Variants in NKAIN3 observed in about 807,000 individuals in gnomAD.
NKAIN3 encodes the protein sodium/potassium transporting ATPase interacting 3, also known as sodium/potassium-transporting ATPase subunit beta-1-interacting protein 3.
A neutral mutation model predicts 30.2 loss-of-function variants in NKAIN3; 25 were observed. The ratio of observed to expected loss-of-function variants is 0.83; its 90% confidence interval spans 0.60 to 1.16. The LOEUF (loss-of-function observed/expected upper bound fraction) is 1.16. NKAIN3 is among the 50% of genes most tolerant of loss of function. The pLI is 0.00. For missense variants in NKAIN3, 225 were observed against 254.1 expected, an observed-to-expected ratio of 0.89 and a Z score of 0.78; for synonymous variants, 91 against 89.6, an observed-to-expected ratio of 1.02 and a Z score of -0.09.
intron 1 of NKAIN3, among the ~76,000 whole-genome samples, chr8:62,543,081 T>A (rs1808894723): frequency 6.6e-6 from 1 of 152,172 alleles, no homozygotes; most frequent in Admixed American, 6.5e-5. Flanking sequence ...ACATTTAGAA[T>A]GAATGTTTCT....
intron 4 of NKAIN3, among the ~76,000 whole-genome samples, chr8:62,823,739 T>C (rs1818928857): frequency 6.6e-6 from 1 of 152,170 alleles, no homozygotes; most frequent in South Asian, 2.1e-4. Context: ...AATAATTTTC[T>C]GACAGATGAC....
intron 4 of NKAIN3, among the ~76,000 whole-genome samples, chr8:62,820,762 G>A (rs1332417270): frequency 6.6e-6 from 1 of 152,122 alleles, no homozygotes; most frequent in Non-Finnish European, 1.5e-5. Flanking sequence ...GAGTAAGTGA[G>A]ATGAAGCTTG....
At chr8:62,254,261 A>T (rs1277258366) in intron 1 of NKAIN3, among the ~76,000 whole-genome samples, 1 of 151,524 alleles carries the variant, frequency 6.6e-6, no homozygotes, top group Non-Finnish European at 1.5e-5. Context: ...TAAGATTCTG[A>T]GACTTGAGGC....
At chr8:62,379,774 T>C (rs901496282) in intron 1 of NKAIN3, among the ~76,000 whole-genome samples, 1 of 152,238 alleles carries the variant, frequency 6.6e-6, no homozygotes, top group Non-Finnish European at 1.5e-5. Context: ...CATAGCAGCA[T>C]GAGAACAGAC....
At chr8:62,767,448 C>G (rs576963274) in intron 4 of NKAIN3, among the ~76,000 whole-genome samples, 3 of 152,148 alleles carry the variant, frequency 2.0e-5, no homozygotes, top group Non-Finnish European at 4.4e-5. Flanking sequence ...AACAGAGAGA[C>G]ACACGCAGAT....
intron 4 of NKAIN3, among the ~76,000 whole-genome samples, chr8:62,755,304 C>T (rs1194592039): frequency 6.6e-6 from 1 of 152,154 alleles, no homozygotes; most frequent in East Asian, 1.9e-4. Context: ...TAAACTCTGT[C>T]AGATCCATAA....
intron 6 of NKAIN3, among the ~76,000 whole-genome samples, chr8:62,954,879 C>T (rs767065617): frequency 2.0e-5 from 3 of 152,296 alleles, no homozygotes; most frequent in South Asian, 2.1e-4. Context: ...TGAGATCTTT[C>T]CTGGGTAGCA....
At chr8:62,693,643 C>A (rs1350072988) in intron 3 of NKAIN3, among the ~76,000 whole-genome samples, 3 of 152,158 alleles carry the variant, frequency 2.0e-5, no homozygotes, top group Admixed American at 6.5e-5. Context: ...TGGAACCTCA[C>A]ACATAAAGCA....
chr8:62,465,570 T>C (rs1195215988), intron 1 of NKAIN3, among the ~76,000 whole-genome samples: 2 of 152,226 alleles, frequency 1.3e-5, no homozygotes, highest in African/African-American at 4.8e-5. Flanking sequence ...TATTAATTTC[T>C]TCATTCAGTA....
chr8:62,841,169 T>C (rs551910580), intron 4 of NKAIN3, among the ~76,000 whole-genome samples: 15 of 152,148 alleles, frequency 9.9e-5, no homozygotes, highest in Non-Finnish European at 2.1e-4. Flanking sequence ...AGGAGTTCAA[T>C]ATAATATTTT....
intron 3 of NKAIN3, among the ~76,000 whole-genome samples, chr8:62,734,676 G>A (rs1242670716): frequency 6.6e-6 from 1 of 152,182 alleles, no homozygotes; most frequent in Non-Finnish European, 1.5e-5. Context: ...GTCACGGAAA[G>A]GAGAATGTTT....
intron 5 of NKAIN3, among the ~76,000 whole-genome samples, chr8:62,952,085 C>T (rs1180551864): frequency 6.6e-6 from 1 of 152,090 alleles, no homozygotes; most frequent in Non-Finnish European, 1.5e-5. Flanking sequence ...TAGGCATGAA[C>T]CACCATGCCC....
chr8:62,314,990 G>C (rs1814564917), intron 1 of NKAIN3, among the ~76,000 whole-genome samples: 2 of 152,086 alleles, frequency 1.3e-5, no homozygotes, highest in Non-Finnish European at 2.9e-5. Flanking sequence ...CACCAGCTGT[G>C]CTCAGCTTAT....
intron 1 of NKAIN3, among the ~76,000 whole-genome samples, chr8:62,389,548 G>A (rs1817524926): frequency 6.6e-6 from 1 of 152,140 alleles, no homozygotes; most frequent in Admixed American, 6.5e-5. Flanking sequence ...TACAGAAAAG[G>A]TTTAATACCA....
chr8:62,530,332 C>T (rs983409113), intron 1 of NKAIN3, among the ~76,000 whole-genome samples: 1 of 152,072 alleles, frequency 6.6e-6, no homozygotes, highest in Non-Finnish European at 1.5e-5. Context: ...TTAATCACAA[C>T]TCATAGTCAA....
intron 5 of NKAIN3, among the ~76,000 whole-genome samples, chr8:62,998,602 A>G (rs1302851176): frequency 6.6e-6 from 1 of 152,136 alleles, no homozygotes; most frequent in Non-Finnish European, 1.5e-5. Context: ...CACTTGCACT[A>G]TACAACTGCT....
chr8:62,751,923 A>G (rs115208491), intron 4 of NKAIN3, among the ~76,000 whole-genome samples: 1,534 of 152,054 alleles, frequency 0.01, 24 homozygotes, highest in African/African-American at 0.034. Flanking sequence ...TGAGCACACT[A>G]TAATCATTGA....
At position 62,832,074 on chromosome 8, in the gene NKAIN3, TA is replaced by T. The variant is rs1409093728; in HGVS notation, c.471+84946del. Among the ~76,000 whole-genome samples the T allele has an allele frequency of 1.2e-4, 18 of 152,228 alleles. No homozygotes were observed. The East Asian group carries it at 2.3e-3, about 20-fold the overall frequency. On this transcript the variant is annotated intron_variant, in intron 4 of 6. Coordinates refer to ENST00000623646, the MANE Select transcript of NKAIN3 (RefSeq NM_001304533.3). ...ATAAGAGGCCTATTTTCAGCATTCT[TA>T]GAGAAATTCCAACCAAGAATTTTAT... is the stretch of plus-strand genomic sequence containing the variant.
intron 5 of NKAIN3, among the ~76,000 whole-genome samples, chr8:62,994,607 G>A (rs986033459): frequency 3.9e-5 from 6 of 152,214 alleles, no homozygotes; most frequent in Admixed American, 6.5e-5. Flanking sequence ...TTAACCAGCA[G>A]TGTCAAAGGC....
Sources: gnomAD v4.1 joint callset for allele counts (sites outside exome capture counted in the v4.1 genomes callset) on GRCh38, gnomAD v4.1.1 for gene constraint, MANE v1.5 for transcripts, NCBI Gene and HGNC (gene_info 2026-07-23, HGNC 2026-07-21) for gene names.